The following KALRN variants were observed in gnomAD, a reference collection of about 807,000 sequenced individuals.
The protein encoded by KALRN is kalirin.
In KALRN, 70 loss-of-function variants were observed where a neutral mutation model predicts 353.7. The observed-to-expected ratio is 0.20, with a 90% CI of 0.16 to 0.24. KALRN has a LOEUF of 0.24. KALRN is among the 10% of genes least tolerant of loss of function. The probability of loss-of-function intolerance (pLI) is 1.00; values close to 1 mark genes in which losing one functional copy is unlikely to be tolerated. For synonymous variants in KALRN, 1,391 were observed against 1,434.8 expected, an observed-to-expected ratio of 0.97 and a Z score of 0.69; for missense variants, 2,791 against 3,756.7, an observed-to-expected ratio of 0.74 and a Z score of 6.72.
rs59265829 is a variant in KALRN, at chr3:124,688,310, C to CAAAAA, written c.7378-5480_7378-5476dup. ...CATGAGCAACAGCGTGAGACCCTGT[C>CAAAAA]AAAAAAAAAAAAAAAAAAGAGCAGA... On this transcript the variant is annotated intron_variant, in intron 51 of 59. Transcript: ENST00000682506. Among the ~76,000 whole-genome samples, 70 of 83,180 alleles carry CAAAAA rather than the reference C, an allele frequency of 8.4e-4. 1 individual carries two copies. The highest frequency in any genetic ancestry group is 1.2e-3 in the Non-Finnish European group (47 of 39,290). 54.6% of individuals were successfully genotyped at this position (83,180 alleles called of 152,430 possible).
intron 1 of KALRN, among the ~76,000 whole-genome samples, chr3:124,101,507 C>T (rs2061859252): frequency 6.6e-6 from 1 of 152,128 alleles, no homozygotes; most frequent in African/African-American, 2.4e-5. Flanking sequence ...CTAAAGTTCA[C>T]CTCTCCCTGT....
chr3:124,612,594 A>C (rs1463975048), intron 34 of KALRN, among the ~76,000 whole-genome samples: 3 of 152,008 alleles, frequency 2.0e-5, no homozygotes, highest in Non-Finnish European at 4.4e-5. Context: ...GCCTCATCCT[A>C]CCAAAGTGCT....
At chr3:124,035,936 G>T (rs868713160) in intron 1 of KALRN, among the ~76,000 whole-genome samples, 5 of 152,224 alleles carry the variant, frequency 3.3e-5, no homozygotes, top group African/African-American at 1.2e-4. Context: ...GTTGCAAGAG[G>T]GGGTAGGTCA....
Position 124,299,010 on chromosome 3 carries a change from A to T in KALRN, c.1092+97A>T, listed in dbSNP as rs1487730703. 4.7e-6 allele frequency: 7 copies of T among 1,485,864 alleles called. No individual in the cohort carries two copies. In the African/African-American group the frequency reaches 5.5e-5, roughly 12 times the overall value. The allele number at this position is 1,485,864 out of a possible 1,614,324, so 92.0% of individuals were successfully genotyped here. On this transcript the variant is annotated intron_variant, in intron 6 of 59. Coordinates refer to ENST00000682506, the MANE Select transcript of KALRN (RefSeq NM_001388419.1). ...AAACAGACTTTCCACCCGAGGAAGA[A>T]CTGTGAACATGCTGACCCTTTGGTG...
chr3:124,355,080 T>C (rs775794964), intron 10 of KALRN, among the ~76,000 whole-genome samples: 10 of 152,208 alleles, frequency 6.6e-5, no homozygotes, highest in Non-Finnish European at 1.2e-4. Context: ...TCTGTGATAC[T>C]GTAAATGAAA....
chr3:124,339,281 G>A (rs1264154199), intron 9 of KALRN, among the ~76,000 whole-genome samples: 1 of 152,072 alleles, frequency 6.6e-6, no homozygotes, highest in Non-Finnish European at 1.5e-5. Flanking sequence ...GGGCAGCTGA[G>A]ACTTTGGGTC....
intron 37 of KALRN, among the ~76,000 whole-genome samples, chr3:124,646,728 T>A (rs1033076347): frequency 1.3e-5 from 2 of 151,704 alleles, no homozygotes; most frequent in Admixed American, 1.3e-4. Flanking sequence ...AATAGTTCTT[T>A]TCTGACGAAT....
intron 11 of KALRN, among the ~76,000 whole-genome samples, 177 bp downstream of exon 11, chr3:124,385,213 G>GGAGA (rs2088047124): frequency 6.6e-6 from 1 of 152,184 alleles, no homozygotes; most frequent in African/African-American, 2.4e-5. Flanking sequence ...CTCTCCGAAT[G>GGAGA]GGGCAAAATT....
chr3:124,525,517 T>C (rs2067513966), intron 33 of KALRN, among the ~76,000 whole-genome samples: 1 of 152,040 alleles, frequency 6.6e-6, no homozygotes, highest in Admixed American at 6.5e-5. Context: ...GAGTTTAGAT[T>C]TTATTGGTAT....
intron 28 of KALRN, among the ~76,000 whole-genome samples, chr3:124,487,938 A>G (rs539498202): frequency 2.6e-5 from 4 of 152,318 alleles, no homozygotes; most frequent in South Asian, 2.1e-4. Flanking sequence ...AGAATGCCTC[A>G]GTTGCTGCCT....
intron 1 of KALRN, among the ~76,000 whole-genome samples, chr3:124,106,362 T>C (rs2149464706): frequency 6.6e-6 from 1 of 152,340 alleles, no homozygotes; most frequent in African/African-American, 2.4e-5. Flanking sequence ...GGATAGGTGC[T>C]TACTGCTTCA....
At position 124,264,682 on chromosome 3, in the gene KALRN, A is replaced by G. The variant is rs767185496; in HGVS notation, c.448A>G (p.Ile150Val). The G allele has an allele frequency of 1.9e-6, 3 of 1,613,976 alleles. No individual in the cohort carries two copies. Among genetic ancestry groups the G allele is most frequent in the Non-Finnish European group, 2.5e-6 (3 of 1,179,944 alleles). ...GACCAACTTTGGCAGCTCCAAATTC[A>G]TCTTTGAGGTGAGCCAGATTTCTCT... ...QKTNFGSSKF[I>V]FETSMVSVEG... Residue 150 changes from isoleucine (I) to valine (V), a missense_variant, in exon 4 of 60, where the codon ATC becomes GTC. By Grantham distance (29) the Ile-to-Val change is conservative (BLOSUM62 3). Coordinates refer to ENST00000682506, the MANE Select transcript of KALRN (RefSeq NM_001388419.1).
chr3:124,414,966 A>G (rs2092415574), intron 14 of KALRN, among the ~76,000 whole-genome samples: 1 of 152,242 alleles, frequency 6.6e-6, no homozygotes, highest in Non-Finnish European at 1.5e-5. Context: ...CTGAAAGAGT[A>G]AAGACCAGCA....
At chr3:124,461,313 CAG>C (rs2059837485) in intron 23 of KALRN, among the ~76,000 whole-genome samples, 1 of 151,838 alleles carries the variant, frequency 6.6e-6, no homozygotes, top group African/African-American at 2.4e-5. Flanking sequence ...GTGGTTGTGA[CAG>C]AGACCGAATT....
At chr3:124,472,813 A>G (rs1054140389) in intron 25 of KALRN, among the ~76,000 whole-genome samples, 1 of 152,172 alleles carries the variant, frequency 6.6e-6, no homozygotes, top group African/African-American at 2.4e-5. Context: ...AGCAACAAAT[A>G]TGACACTTTA....
chr3:124,407,068 A>G (rs1248639892), intron 13 of KALRN, among the ~76,000 whole-genome samples: 2 of 152,016 alleles, frequency 1.3e-5, no homozygotes, highest in Non-Finnish European at 2.9e-5. Flanking sequence ...TCCTGACCTC[A>G]GGTGATCCAC....
intron 1 of KALRN, among the ~76,000 whole-genome samples, chr3:124,112,951 C>A (rs148546888): frequency 6.6e-6 from 1 of 152,084 alleles, no homozygotes; most frequent in African/African-American, 2.4e-5. Flanking sequence ...ACCTCCATGC[C>A]GTTTCATTCT....
chr3:124,146,938 C>G (rs2067445630), intron 1 of KALRN, among the ~76,000 whole-genome samples: 1 of 148,922 alleles, frequency 6.7e-6, no homozygotes. Flanking sequence ...TCCTGGAAAC[C>G]TAGAACTTAT....
At chr3:124,554,165 G>T (rs1345198964) in intron 33 of KALRN, among the ~76,000 whole-genome samples, 1 of 152,230 alleles carries the variant, frequency 6.6e-6, no homozygotes, top group Middle Eastern at 3.2e-3. Flanking sequence ...AGACCAGCCT[G>T]GGTAACATGG....
Sources: gnomAD v4.1 joint callset for allele counts (sites outside exome capture counted in the v4.1 genomes callset) on GRCh38, gnomAD v4.1.1 for gene constraint, MANE v1.5 for transcripts, NCBI Gene and HGNC (gene_info 2026-07-23, HGNC 2026-07-21) for gene names.